FARP2: variants seen among roughly 807,000 people sequenced by gnomAD.
FARP2 encodes FERM, ARH/RhoGEF and pleckstrin domain protein 2, also known as FERM, ARHGEF and pleckstrin domain-containing protein 2.
FARP2 carries 111 observed loss-of-function variants against 130.5 expected under a neutral mutation model. That is an observed-to-expected ratio of 0.85 (90% CI 0.73 to 1.00). The LOEUF (loss-of-function observed/expected upper bound fraction) is 1.00, where lower values mean the gene tolerates loss of function less well. Among genes scored for constraint, FARP2 ranks in the 50% least tolerant of loss-of-function variants. The pLI, the probability that FARP2 is intolerant of heterozygous loss-of-function variation, is 0.00. For synonymous variants in FARP2, 504 were observed against 516.9 expected, an observed-to-expected ratio of 0.98 and a Z score of 0.34; for missense variants, 1,385 against 1,346.3, an observed-to-expected ratio of 1.03 and a Z score of -0.45.
chr2:241,359,632 G>C (rs753522221), intron 1 of FARP2, among the ~76,000 whole-genome samples: 3 of 152,216 alleles, frequency 2.0e-5, no homozygotes, highest in Non-Finnish European at 4.4e-5. Context: ...GGTCAGGCTA[G>C]CCAGCGGTGC....
At chr2:241,431,007 A>G (rs1242896890) in intron 8 of FARP2, among the ~76,000 whole-genome samples, 1 of 152,032 alleles carries the variant, frequency 6.6e-6, no homozygotes, top group African/African-American at 2.4e-5. Flanking sequence ...CTCAAAAAAA[A>G]AAAAGAAAAA....
intron 26 of FARP2, chr2:241,493,696 G>A (rs1314126138): frequency 1.1e-5 from 6 of 535,202 alleles, no homozygotes; most frequent in South Asian, 2.4e-5. Flanking sequence ...CAGGGTTCAA[G>A]CGATTCTTCT....
intron 13 of FARP2, among the ~76,000 whole-genome samples, chr2:241,450,923 GCC>G (rs1373425685): frequency 1.4e-4 from 22 of 152,194 alleles, no homozygotes; most frequent in Non-Finnish European, 3.2e-4. Context: ...CTGCACTCCA[GCC>G]TGGGCAACAG....
intron 2 of FARP2, among the ~76,000 whole-genome samples, chr2:241,394,713 GA>G (rs1294227839): frequency 6.6e-6 from 1 of 152,124 alleles, no homozygotes; most frequent in Non-Finnish European, 1.5e-5. Context: ...AAAATATTTT[GA>G]TTTTTAAAAT....
intron 4 of FARP2, among the ~76,000 whole-genome samples, 164 bp from the exon 5 acceptor site, chr2:241,407,373 C>T (rs1485371689): frequency 1.3e-5 from 2 of 152,122 alleles, no homozygotes; most frequent in Non-Finnish European, 2.9e-5. Context: ...ATTACAGGCA[C>T]ACACCACCAC....
intron 2 of FARP2, among the ~76,000 whole-genome samples, chr2:241,379,523 C>T (rs2061614105): frequency 6.6e-6 from 1 of 152,244 alleles, no homozygotes; most frequent in East Asian, 1.9e-4. Flanking sequence ...ATTGCAGAGG[C>T]TTTAGGTTAA....
intron 2 of FARP2, among the ~76,000 whole-genome samples, chr2:241,394,121 A>G (rs979337624): frequency 1.3e-5 from 2 of 152,168 alleles, no homozygotes; most frequent in Non-Finnish European, 2.9e-5. Context: ...ATCATTTGGT[A>G]CTTTGGGAAC....
intron 1 of FARP2, among the ~76,000 whole-genome samples, chr2:241,361,623 G>A (rs1404499270): frequency 6.6e-6 from 1 of 152,052 alleles, no homozygotes; most frequent in African/African-American, 2.4e-5. Context: ...GGCCTTTCTC[G>A]GGACCTTGGA....
chr2:241,480,973 C>T (rs932222636), intron 19 of FARP2, among the ~76,000 whole-genome samples: 4 of 147,910 alleles, frequency 2.7e-5, no homozygotes, highest in African/African-American at 5.0e-5. Context: ...AGTCCCAGCA[C>T]TTTGGGAGGC....
Position 241,483,501 on chromosome 2 carries a change from A to T in FARP2, c.2299A>T (p.Lys767Ter). Residue 767 changes from lysine (K) to a stop codon, truncating the protein, a stop_gained, in exon 20 of 27, where the codon AAG becomes TAG. Transcript: ENST00000264042. LOFTEE classifies it high-confidence loss of function. ...TGAGGGCTGCCTTCACAAGCTCACC[A>T]AGAAGGGCCTGCAGCAGAGGATGTT... ...IREGCLHKLT[K>*]KGLQQRMFFL... The T allele has an allele frequency of 6.2e-7, 1 of 1,614,198 alleles. No homozygotes were observed.
rs558596977 is a variant in FARP2, at chr2:241,434,076, C to T, written c.868-82C>T. 7.0e-5 allele frequency: 74 copies of T among 1,063,876 alleles called. No individual in the cohort carries two copies. The South Asian group carries it at 7.9e-4, about 11-fold the overall frequency. The allele number at this position is 1,063,876 out of a possible 1,614,324, so 65.9% of individuals were successfully genotyped here. ...GATTTTTAATTTTGGAATTCCCTAT[C>T]GTGTGATCTGCTTCCTAAATGTACT... is the stretch of plus-strand genomic sequence containing the variant. On this transcript the variant is annotated intron_variant, in intron 9 of 26. Transcript: ENST00000264042.
At chr2:241,411,337 A>G (rs900018159) in intron 6 of FARP2, among the ~76,000 whole-genome samples, 1 of 152,258 alleles carries the variant, frequency 6.6e-6, no homozygotes, top group Non-Finnish European at 1.5e-5. Context: ...CACGTAGCAA[A>G]CACAGGCCAA....
At chr2:241,442,718 C>T (rs11679955) in intron 13 of FARP2, 63,536 of 339,900 alleles carry the variant, frequency 0.19, 6,982 homozygotes, top group Middle Eastern at 0.3. Context: ...CTTGGAATGA[C>T]GTAAAAGCTA....
chr2:241,365,331 A>C (rs762573423), intron 1 of FARP2, among the ~76,000 whole-genome samples: 2 of 152,176 alleles, frequency 1.3e-5, no homozygotes. Context: ...GCTAGATATT[A>C]TTTCATTTTA....
In FARP2 at chr2:241,490,049, G is replaced by A. The variant is rs1184008916; in HGVS notation, c.2504+5G>A. 6.2e-7 allele frequency: 1 copy of A among 1,610,460 alleles called. No individual in the cohort carries two copies. Among genetic ancestry groups the A allele is most frequent in the South Asian group, 1.1e-5 (1 of 90,986 alleles). On this transcript the variant is annotated splice_donor_5th_base_variant and intron_variant, in intron 22 of 26. Coordinates refer to ENST00000264042, the MANE Select transcript of FARP2 (RefSeq NM_014808.4). ...AACAATCGTGGTGGCAGCCAGGTAAGGGTCTTCCATGTCTCCATCCTGAGC... is the reference window on the plus strand; with the variant it reads ...AACAATCGTGGTGGCAGCCAGGTAAAGGTCTTCCATGTCTCCATCCTGAGC...
intron 19 of FARP2, among the ~76,000 whole-genome samples, chr2:241,480,510 A>G (rs2064586379): frequency 6.8e-6 from 1 of 148,022 alleles, no homozygotes; most frequent in South Asian, 2.2e-4. Flanking sequence ...TGACCTTGAT[A>G]CAATAGATAG....
At chr2:241,416,680 A>G (rs2062682174) in intron 7 of FARP2, among the ~76,000 whole-genome samples, 1 of 152,308 alleles carries the variant, frequency 6.6e-6, no homozygotes, top group South Asian at 2.1e-4. Context: ...TAATCCCAAC[A>G]CTTTGAGAGG....
chr2:241,391,954 G>A (rs765737005), intron 2 of FARP2, among the ~76,000 whole-genome samples: 9 of 152,182 alleles, frequency 5.9e-5, no homozygotes, highest in Admixed American at 2.0e-4. Context: ...CTACTAAGAC[G>A]GGAGGGAGAT....
At chr2:241,366,851 C>G (rs2061330860) in intron 1 of FARP2, among the ~76,000 whole-genome samples, 1 of 152,046 alleles carries the variant, frequency 6.6e-6, no homozygotes. Context: ...GGTGCCGTGA[C>G]TCAGTTTGTT....
Sources: allele counts gnomAD v4.1 joint callset (sites outside exome capture counted in the v4.1 genomes callset), GRCh38; gene constraint gnomAD v4.1.1; transcripts MANE v1.5; gene names NCBI Gene and HGNC (gene_info 2026-07-23, HGNC 2026-07-21).